PHACTR2: variants seen among roughly 807,000 people sequenced by gnomAD.
PHACTR2 encodes the protein chromosome 6 open reading frame 56.
PHACTR2 carries 30 observed loss-of-function variants against 76.0 expected under a neutral mutation model. That is an observed-to-expected ratio of 0.39 (90% confidence interval 0.30 to 0.54). The LOEUF (loss-of-function observed/expected upper bound fraction) is 0.54. PHACTR2 is among the 20% of genes least tolerant of loss of function. The pLI is 0.61. For missense variants in PHACTR2, 696 were observed against 781.1 expected (o/e 0.89, Z 1.30); for synonymous variants, 292 against 292.5 (o/e 1.00, Z 0.02).
At chr6:143,590,673 G>T (rs537532807) in intron 1 of PHACTR2, among the ~76,000 whole-genome samples, 2 of 151,986 alleles carry the variant, frequency 1.3e-5, no homozygotes, top group Non-Finnish European at 2.9e-5. Flanking sequence ...GAGTTCAATG[G>T]CTTTCTTTCT....
intron 10 of PHACTR2, among the ~76,000 whole-genome samples, chr6:143,788,123 G>T (rs1294942806): frequency 6.6e-6 from 1 of 152,208 alleles, no homozygotes; most frequent in African/African-American, 2.4e-5. Context: ...TATCTTAAAG[G>T]TTGGAGTTGA....
intron 1 of PHACTR2, among the ~76,000 whole-genome samples, chr6:143,609,799 A>T (rs900824291): frequency 6.6e-6 from 1 of 152,186 alleles, no homozygotes; most frequent in Non-Finnish European, 1.5e-5. Flanking sequence ...AAGGCCATTT[A>T]AAAAAAGGAA....
rs559054904 is a variant in PHACTR2, at chr6:143,556,682, C to A, written c.217+19475C>A. Among the ~76,000 whole-genome samples the A allele has an allele frequency of 3.0e-3, 464 of 152,260 alleles. 1 individual carries two copies. Among genetic ancestry groups the A allele is most frequent in the Non-Finnish European group, 5.8e-3 (392 of 68,018 alleles). On this transcript the variant is annotated intron_variant, in intron 1 of 11. Transcript: ENST00000367584. This position sits in a 1 kb window ranked among gnomAD's most constrained non-coding sequence, Gnocchi z 4.3. ...GCTTTCAGCTGCTATCAGATTTGAA[C>A]CTCTCAGCTCACAGGGTGCTAACTA...
In PHACTR2 at chr6:143,649,149, G is replaced by A. The variant is rs1010004663; in HGVS notation, c.13+40827G>A. ...TGACCAACCATCAACCAAAGCCCAC[G>A]GCTTTTCCTCTGAAAGGGATGCCAC... On this transcript the variant is annotated intron_variant, in intron 1 of 11. Transcript: ENST00000305766. 7.2e-5 allele frequency among the ~76,000 whole-genome samples: 11 copies of A among 152,086 alleles called. No homozygotes were observed. The East Asian group carries it at 7.7e-4, about 11-fold the overall frequency.
At chr6:143,612,820 C>CG (rs34202755) in intron 1 of PHACTR2, among the ~76,000 whole-genome samples, 1,730 of 32,182 alleles carry the variant, frequency 0.054, 47 homozygotes, top group African/African-American at 0.11. Flanking sequence ...CTCTGAAATG[C>CG]CTTTATGTTG....
chr6:143,772,483 A>T lies in PHACTR2; in HGVS notation c.1432+26A>T. The stretch of plus-strand genomic sequence containing the variant: ...GTAAGACTGTTTTCAAGAGGCAGGG[A>T]GGAGCGTGGGTGATAAGCAGAAGCA... On this transcript the variant is annotated intron_variant, in intron 7 of 12. Transcript: ENST00000440869. This position sits in a 1 kb window ranked among gnomAD's most constrained non-coding sequence, Gnocchi z 5.4. 6.4e-7 allele frequency: 1 copy of T among 1,563,158 alleles called. No homozygotes were observed. The highest frequency in any genetic ancestry group is 8.8e-7 in the Non-Finnish European group (1 of 1,137,200).
chr6:143,772,046 C>G lies in PHACTR2; in HGVS notation c.1233-212C>G, dbSNP rs543074505. Among the ~76,000 whole-genome samples the G allele has an allele frequency of 6.6e-6, 1 of 152,264 alleles. No homozygotes were observed. The highest frequency in any genetic ancestry group is 3.4e-3 in the Middle Eastern group (1 of 294). On this transcript the variant is annotated intron_variant, in intron 6 of 12. Transcript: ENST00000440869. The surrounding 1 kb of genome is among the most constrained non-coding windows in gnomAD (Gnocchi z 5.4). ...TACCCTATTTGTTTGCTAAATGTAT[C>G]AGATACCAAGCGTTTGCATTTTACA... is the stretch of plus-strand genomic sequence containing the variant.
At chr6:143,569,271 CA>C (rs1775411193) in intron 1 of PHACTR2, among the ~76,000 whole-genome samples, 2 of 152,190 alleles carry the variant, frequency 1.3e-5, no homozygotes, top group South Asian at 4.1e-4. Context: ...TTCACCTCAT[CA>C]ACTGAGGAGA....
chr6:143,577,211 G>T (rs12211659), intron 1 of PHACTR2, among the ~76,000 whole-genome samples: 93,209 of 152,106 alleles, frequency 0.61, 28,900 homozygotes, highest in Middle Eastern at 0.72. Flanking sequence ...TTTTAAAATT[G>T]TATTTTAGCA....
At position 143,791,173 on chromosome 6, in the gene PHACTR2, G is replaced by T. The variant is rs940192679; in HGVS notation, c.1845+2263G>T. On this transcript the variant is annotated intron_variant, in intron 11 of 12. Transcript: ENST00000440869. The surrounding 1 kb of genome is among the most constrained non-coding windows in gnomAD (Gnocchi z 4.7). ...ACCTGGAGTTGTTTTTTGGGGGAAG[G>T]TATAAGATATGCTTTCAGTTTGCTT... Among the ~76,000 whole-genome samples, 10 of 152,110 alleles carry T rather than the reference G, an allele frequency of 6.6e-5. No individual in the cohort carries two copies. The highest frequency in any genetic ancestry group is 4.6e-4 in the Admixed American group (7 of 15,286).
intron 1 of PHACTR2, among the ~76,000 whole-genome samples, chr6:143,552,087 A>G (rs1775104764): frequency 6.6e-6 from 1 of 152,182 alleles, no homozygotes. Context: ...TGTAATCTCA[A>G]TGGTGCCTCA....
chr6:143,592,607 A>G lies in PHACTR2; in HGVS notation c.217+55400A>G, dbSNP rs1775703958. ...TTGTTTATGCTCTTTCCATTAACCT[A>G]GTAATGTCCTTCCCTCTGTCTGTCC... On this transcript the variant is annotated intron_variant, in intron 1 of 11. Coordinates refer to the PHACTR2 transcript ENST00000367584. This position sits in a 1 kb window ranked among gnomAD's most constrained non-coding sequence, Gnocchi z 4.0. Among the ~76,000 whole-genome samples the G allele has an allele frequency of 2.0e-5, 3 of 152,174 alleles. No individual in the cohort carries two copies. Among genetic ancestry groups the G allele is most frequent in the South Asian group, 4.1e-4 (2 of 4,834 alleles).
chr6:143,671,968 A>C lies in PHACTR2; in HGVS notation c.14-40048A>C, dbSNP rs991741041. ...AAAACATATGAAACAAGCCAGATTAAAAAAAACTGTACATAATATTATTCC... is the reference window on the plus strand; with the variant it reads ...AAAACATATGAAACAAGCCAGATTACAAAAAACTGTACATAATATTATTCC... On this transcript the variant is annotated intron_variant, in intron 1 of 11. Transcript: ENST00000305766. This position sits in a 1 kb window ranked among gnomAD's most constrained non-coding sequence, Gnocchi z 4.6. 1.4e-5 allele frequency among the ~76,000 whole-genome samples: 2 copies of C among 147,136 alleles called. No homozygotes were observed. Among genetic ancestry groups the C allele is most frequent in the African/African-American group, 4.9e-5 (2 of 41,232 alleles).
chr6:143,694,883 AC>A (rs1255872908), intron 1 of PHACTR2, among the ~76,000 whole-genome samples: 1 of 152,192 alleles, frequency 6.6e-6, no homozygotes, highest in Admixed American at 6.5e-5. Flanking sequence ...CTCACAGGAA[AC>A]TTTTAACTGG....
intron 12 of PHACTR2, among the ~76,000 whole-genome samples, chr6:143,812,297 A>C (rs1039095064): frequency 6.6e-6 from 1 of 152,242 alleles, no homozygotes. Context: ...TTTTTGAAAC[A>C]TTATGAATGT....
chr6:143,818,654 A>AG lies in PHACTR2; in HGVS notation c.1923-5018dup, dbSNP rs1776351925. Among the ~76,000 whole-genome samples, 1 of 152,170 alleles carries AG rather than the reference A, an allele frequency of 6.6e-6. No individual in the cohort carries two copies. Among genetic ancestry groups the AG allele is most frequent in the Admixed American group, 6.5e-5 (1 of 15,280 alleles). On this transcript the variant is annotated intron_variant, in intron 12 of 12. Coordinates refer to ENST00000440869, the MANE Select transcript of PHACTR2 (RefSeq NM_001100164.2). This position sits in a 1 kb window ranked among gnomAD's most constrained non-coding sequence, Gnocchi z 4.9. ...TCAGGAAACCTGCAATCCTGGCAGA[A>AG]GGCACCTCTTCACAGGGCAGCAGGA...
At position 143,618,077 on chromosome 6, in the gene PHACTR2, C is replaced by A. The variant is rs1776085388; in HGVS notation, c.13+9755C>A. Among the ~76,000 whole-genome samples the A allele has an allele frequency of 6.6e-6, 1 of 152,110 alleles. No homozygotes were observed. On this transcript the variant is annotated intron_variant, in intron 1 of 11. Transcript: ENST00000305766. This position sits in a 1 kb window ranked among gnomAD's most constrained non-coding sequence, Gnocchi z 5.2. ...ATAATAGAAGAGGTACATTATTAGA[C>A]CCCCAAATAGCACTGCTATGATTTA...
chr6:143,644,459 C>G (rs1171342151), intron 1 of PHACTR2, among the ~76,000 whole-genome samples: 2 of 98,980 alleles, frequency 2.0e-5, no homozygotes, highest in Non-Finnish European at 3.8e-5. Flanking sequence ...CAGAGTGGGA[C>G]TCCATCTCAA....
At position 143,712,142 on chromosome 6, in the gene PHACTR2, G is replaced by A. The variant is rs1239985721; in HGVS notation, c.173G>A (p.Arg58Lys). 1 of 1,560,384 alleles carries A rather than the reference G, an allele frequency of 6.4e-7. No homozygotes were observed. The highest frequency in any genetic ancestry group is 1.2e-5 in the South Asian group (1 of 81,120). Residue 58 changes from arginine to lysine, a missense_variant, in exon 2 of 13, where the codon AGG (arginine) becomes AAG (lysine). Physicochemically the swap from Arg to Lys is conservative, Grantham distance 26. Transcript: ENST00000440869. The part of the protein sequence containing the change: ...IGKIFKPWKW[R>K]KKKTSDKFRE... ...AAAATCTTTAAGCCTTGGAAATGGA[G>A]GAAAAAGAAGACCAGCGACAAATTT...
Sources: allele counts gnomAD v4.1 joint callset (sites outside exome capture counted in the v4.1 genomes callset), GRCh38; gene constraint gnomAD v4.1.1; non-coding constraint Gnocchi (gnomAD v3.1); transcripts MANE v1.5; gene names NCBI Gene and HGNC (gene_info 2026-07-23, HGNC 2026-07-21).